TSGA10: variants seen among roughly 807,000 people sequenced by gnomAD.
TSGA10 encodes the protein testis-specific gene 10 protein.
In TSGA10, 43 loss-of-function variants were observed where a neutral mutation model predicts 96.6. That is an observed-to-expected ratio of 0.44 (90% CI 0.35 to 0.57). TSGA10 has a LOEUF of 0.57. Ranked by LOEUF, TSGA10 falls within the 20% of genes least tolerant of loss-of-function variation. TSGA10 has a pLI of 0.01. For synonymous variants in TSGA10, 229 were observed against 269.9 expected (o/e 0.85, Z 1.48); for missense variants, 703 against 834.4 (o/e 0.84, Z 1.94).
chr2:99,036,293 C>T (rs1435225981), intron 16 of TSGA10, among the ~76,000 whole-genome samples: 1 of 152,038 alleles, frequency 6.6e-6, no homozygotes, highest in Non-Finnish European at 1.5e-5. Context: ...CTTCCTTCCT[C>T]ACTCACTCTT....
At chr2:99,070,669 T>C (rs947737251) in intron 14 of TSGA10, among the ~76,000 whole-genome samples, 2 of 152,164 alleles carry the variant, frequency 1.3e-5, no homozygotes, top group Non-Finnish European at 2.9e-5. Flanking sequence ...TATCCACCTT[T>C]AGCCCATATG....
At chr2:99,143,890 T>C (rs1163009994) in intron 1 of TSGA10, among the ~76,000 whole-genome samples, 3 of 152,194 alleles carry the variant, frequency 2.0e-5, no homozygotes, top group Admixed American at 2.0e-4. Context: ...CAAAAACCTC[T>C]GTTATTACTA....
At position 99,103,992 on chromosome 2, in the gene TSGA10, G is replaced by C; in HGVS notation, c.586C>G (p.Gln196Glu). The C allele has an allele frequency of 6.2e-7, 1 of 1,613,836 alleles. No individual in the cohort carries two copies. The highest frequency in any genetic ancestry group is 1.1e-5 in the South Asian group (1 of 91,060). The change falls in exon 10 of 21, where the codon CAA becomes GAA. Residue 196 changes from glutamine to glutamate, a missense_variant. Gln to Glu is a conservative substitution (Grantham distance 29). Around this residue, in one of 3 missense-constraint regions of TSGA10, gnomAD observed 585 missense variants for 656.8 expected, o/e 0.89. Coordinates refer to ENST00000393483, the MANE Select transcript of TSGA10 (RefSeq NM_025244.4). ...CTCAAAGAATTATTCTCTGCTTTTT[G>C]TCTGCCAAGTTCACTTTCGGTATCC... ...AMDTESELGR[Q>E]KAENNSLRLL...
At chr2:99,143,187 G>A (rs1241828424) in intron 1 of TSGA10, among the ~76,000 whole-genome samples, 2 of 139,134 alleles carry the variant, frequency 1.4e-5, no homozygotes, top group Non-Finnish European at 3.0e-5. Flanking sequence ...TGTCGCCCAG[G>A]CTGGAGTGCA....
intron 16 of TSGA10, among the ~76,000 whole-genome samples, chr2:99,060,830 A>G (rs989341395): frequency 1.3e-5 from 2 of 152,198 alleles, no homozygotes; most frequent in Admixed American, 1.3e-4. Flanking sequence ...CAATGATGAA[A>G]TAAGTCTTTT....
chr2:99,068,403 C>T (rs2085515674), intron 15 of TSGA10, among the ~76,000 whole-genome samples: 1 of 152,086 alleles, frequency 6.6e-6, no homozygotes, highest in South Asian at 2.1e-4. Context: ...ACACATGCAC[C>T]ACACTTATTG....
chr2:99,061,635 CTAGT>C (rs2084704664), intron 16 of TSGA10, among the ~76,000 whole-genome samples: 1 of 152,088 alleles, frequency 6.6e-6, no homozygotes, highest in South Asian at 2.1e-4. Flanking sequence ...AATTCCACTC[CTAGT>C]TATTTATCCA....
intron 16 of TSGA10, among the ~76,000 whole-genome samples, chr2:99,045,859 T>G (rs1464472733): frequency 1.3e-5 from 2 of 152,116 alleles, no homozygotes; most frequent in Non-Finnish European, 2.9e-5. Context: ...GAGACATACA[T>G]AGGCTCAAAA....
intron 12 of TSGA10, among the ~76,000 whole-genome samples, chr2:99,075,897 C>T (rs1383565830): frequency 6.6e-6 from 1 of 151,976 alleles, no homozygotes; most frequent in Non-Finnish European, 1.5e-5. Flanking sequence ...CTTAAATATT[C>T]AAAAATGTTT....
At chr2:99,104,638 C>A (rs1574395167) in intron 9 of TSGA10, among the ~76,000 whole-genome samples, 1 of 152,080 alleles carries the variant, frequency 6.6e-6, no homozygotes, top group South Asian at 2.1e-4. Flanking sequence ...CCACACCTGG[C>A]AAATTTTCAT....
In TSGA10 at chr2:99,108,675, C is replaced by T. The variant is rs6542863; in HGVS notation, c.210+158G>A. 0.59 allele frequency among the ~76,000 whole-genome samples: 89,874 copies of T among 151,912 alleles called. 27,517 individuals carry two copies. The highest frequency in any genetic ancestry group is 0.88 in the East Asian group (4,581 of 5,180). ...ACATACCTACTGTATTGGAAATGTACTACATTTCATTAAGAATATCTTAAA... is the reference window on the plus strand; with the variant it reads ...ACATACCTACTGTATTGGAAATGTATTACATTTCATTAAGAATATCTTAAA... On this transcript the variant is annotated intron_variant, in intron 7 of 20. Transcript: ENST00000393483.
rs1014920111 is a variant in TSGA10, at chr2:99,154,898, C to G, written c.-826G>C. On this transcript the variant is annotated 5_prime_UTR_variant, in exon 1 of 21. Transcript: ENST00000393483. ...CGCAGGCGGAGAGACTAGGCGCGAT[C>G]CCTGCGCGCCCCTCCTTCTCTTGCG... The G allele has an allele frequency of 3.6e-5, 15 of 414,070 alleles. No homozygotes were observed. Among genetic ancestry groups the G allele is most frequent in the African/African-American group, 2.7e-4 (13 of 49,024 alleles). The allele number at this position is 414,070 out of a possible 1,614,324, so 25.6% of individuals were successfully genotyped here.
intron 10 of TSGA10, among the ~76,000 whole-genome samples, chr2:99,088,043 CTT>C (rs1302491275): frequency 2.0e-5 from 3 of 152,168 alleles, no homozygotes; most frequent in Non-Finnish European, 4.4e-5. Context: ...AAAGTAAACT[CTT>C]ATACAACCTT....
chr2:99,074,169 T>C (rs1337098279), intron 12 of TSGA10, among the ~76,000 whole-genome samples: 1 of 151,816 alleles, frequency 6.6e-6, no homozygotes, highest in Non-Finnish European at 1.5e-5. Context: ...TGCGCCACCA[T>C]GCCCAGCTAA....
chr2:98,999,895 C>T (rs935433320), intron 20 of TSGA10, among the ~76,000 whole-genome samples: 1 of 152,102 alleles, frequency 6.6e-6, no homozygotes, highest in African/African-American at 2.4e-5. Context: ...AATACAGGCA[C>T]GTGCCACCAT....
intron 20 of TSGA10, among the ~76,000 whole-genome samples, chr2:99,006,697 G>A (rs1378049813): frequency 1.3e-5 from 2 of 152,152 alleles, no homozygotes; most frequent in African/African-American, 4.8e-5. Flanking sequence ...ACGGTTGGTG[G>A]GACTGTAAAC....
At chr2:99,062,693 C>G (rs1459253760) in intron 16 of TSGA10, among the ~76,000 whole-genome samples, 1 of 152,126 alleles carries the variant, frequency 6.6e-6, no homozygotes, top group Non-Finnish European at 1.5e-5. Context: ...TATGATTGTA[C>G]CACTGCACTC....
In TSGA10 at chr2:99,029,146, A is replaced by T. The variant is rs894023884; in HGVS notation, c.1614+6084T>A. Among the ~76,000 whole-genome samples, 47 of 152,200 alleles carry T rather than the reference A, an allele frequency of 3.1e-4. 1 individual carries two copies. The highest frequency in any genetic ancestry group is 1.1e-3 in the African/African-American group (44 of 41,464). Reference sequence around the variant, plus strand: ...TAGGTTCTGAAATCCATTGTAGCCTAAGGTGATGACTACATTTTTAAAAAT... The same window carrying T: ...TAGGTTCTGAAATCCATTGTAGCCTTAGGTGATGACTACATTTTTAAAAAT... On this transcript the variant is annotated intron_variant, in intron 17 of 20. Transcript: ENST00000393483.
At chr2:99,102,053 G>C (rs990385471) in intron 10 of TSGA10, 1 of 1,457,854 alleles carries the variant, frequency 6.9e-7, no homozygotes, top group Non-Finnish European at 9.6e-7. Flanking sequence ...TTAACAAAAA[G>C]GCTTTGGATC....
Sources: gnomAD v4.1 joint callset for allele counts (sites outside exome capture counted in the v4.1 genomes callset) on GRCh38, gnomAD v4.1.1 for gene constraint, gnomAD v4.1.1 regional missense constraint, MANE v1.5 for transcripts, NCBI Gene and HGNC (gene_info 2026-07-23, HGNC 2026-07-21) for gene names.